Variants in RUBCNL observed in about 807,000 individuals in gnomAD.
RUBCNL encodes rubicon like autophagy enhancer.
RUBCNL carries 62 observed loss-of-function variants against 69.5 expected under a neutral mutation model. The observed-to-expected ratio is 0.89, with a 90% CI of 0.73 to 1.10. RUBCNL has a LOEUF of 1.10. RUBCNL is among the 50% of genes least tolerant of loss of function. The pLI, the probability that RUBCNL is intolerant of heterozygous loss-of-function variation, is 0.00. For missense variants in RUBCNL, 768 were observed against 798.1 expected, an observed-to-expected ratio of 0.96 and a Z score of 0.45; for synonymous variants, 291 against 303.6, an observed-to-expected ratio of 0.96 and a Z score of 0.43.
chr13:46,343,323 A>G lies in RUBCNL; in HGVS notation c.*62T>C. On this transcript the variant is annotated 3_prime_UTR_variant, in exon 15 of 15. Transcript: ENST00000429979. ...TATCTAAAACAATGTCACCAATAAT[A>G]GACACAAATCGGTGTTATCATAAGG... The G allele has an allele frequency of 1.3e-6, 2 of 1,575,752 alleles. No individual in the cohort carries two copies. The highest frequency in any genetic ancestry group is 1.2e-5 in the South Asian group (1 of 86,846).
chr13:46,362,960 A>ATATATATATATC (rs2048661672), intron 6 of RUBCNL, among the ~76,000 whole-genome samples, 155 bp downstream of exon 6: 1 of 90,198 alleles, frequency 1.1e-5, no homozygotes, highest in South Asian at 3.2e-4. Context: ...ATATATATAT[A>ATATATATATATC]TATATATATA....
rs1213418910 is a variant in RUBCNL at position 46,387,195 on chromosome 13, C to A, written c.-300G>T. On this transcript the variant is annotated 5_prime_UTR_variant, in exon 1 of 15. Coordinates refer to ENST00000429979, the MANE Select transcript of RUBCNL (RefSeq NM_025113.5). ...AAACGCCGCGCGTCGGGTCCTCCCT[C>A]GCGCGGCTCCGGGCAGCGTTCCGTG... The A allele has an allele frequency of 4.1e-6, 4 of 985,264 alleles. No homozygotes were observed. 61.0% of individuals were successfully genotyped at this position (985,264 alleles called of 1,614,324 possible). A position where few individuals can be genotyped will look rare whatever the true frequency, so the allele number is the denominator to read the frequency against.
rs374352412 is a variant in RUBCNL, at chr13:46,359,491, T to C, written c.1260A>G (p.Pro420=). ...RFQIIFNIHP[P]LKRDLVVAAQ... is the part of the protein sequence containing the mutation. ...AAGCAACAGCCCATACTTACTTGAG[T>C]GGTGGATGAATATTAAATATGATTT... The change falls in exon 9 of 15, where the codon CCA becomes CCG. Residue 420 remains proline, a synonymous_variant. Coordinates refer to ENST00000429979, the MANE Select transcript of RUBCNL (RefSeq NM_025113.5). 1 of 1,603,332 alleles carries C rather than the reference T, an allele frequency of 6.2e-7. No individual in the cohort carries two copies. Among genetic ancestry groups the C allele is most frequent in the Non-Finnish European group, 8.5e-7 (1 of 1,174,960 alleles).
In RUBCNL at chr13:46,343,293, C is replaced by T. The variant is rs41284169; in HGVS notation, c.*92G>A. 5.8e-5 allele frequency: 90 copies of T among 1,540,582 alleles called. No homozygotes were observed. Among genetic ancestry groups the T allele is most frequent in the Non-Finnish European group, 7.8e-5 (89 of 1,135,920 alleles). ...CCATCTTTTTCCTTAATATACAATA[C>T]CCAATATCTAAAACAATGTCACCAA... On this transcript the variant is annotated 3_prime_UTR_variant, in exon 15 of 15. Transcript: ENST00000429979.
In RUBCNL at chr13:46,343,697, T is replaced by C. The variant is rs560472302; in HGVS notation, c.1877-200A>G. On this transcript the variant is annotated intron_variant, in intron 14 of 14. Coordinates refer to ENST00000429979, the MANE Select transcript of RUBCNL (RefSeq NM_025113.5). ...CCTGTTGGACTCTTCCAACAGGTCATGAACAGGAGGCTCAGAGAGCCTGAT... is the reference window on the plus strand; with the variant it reads ...CCTGTTGGACTCTTCCAACAGGTCACGAACAGGAGGCTCAGAGAGCCTGAT... 2.6e-5 allele frequency among the ~76,000 whole-genome samples: 4 copies of C among 152,196 alleles called. No homozygotes were observed. In the East Asian group the frequency reaches 7.7e-4, roughly 29 times the overall value.
chr13:46,375,358 C>A (rs1253049214), intron 2 of RUBCNL, among the ~76,000 whole-genome samples: 1 of 152,116 alleles, frequency 6.6e-6, no homozygotes, highest in Non-Finnish European at 1.5e-5. Context: ...CATGGCGAAA[C>A]CCCATCTCTA....
intron 1 of RUBCNL, among the ~76,000 whole-genome samples, chr13:46,384,351 G>A (rs1050772723): frequency 5.3e-5 from 8 of 152,094 alleles, no homozygotes; most frequent in Non-Finnish European, 1.0e-4. Flanking sequence ...ATCAACTCTA[G>A]CTTGTCGGAA....
At chr13:46,368,483 C>A in intron 4 of RUBCNL, 1 of 985,296 alleles carries the variant, frequency 1.0e-6, no homozygotes, top group Non-Finnish European at 1.2e-6. Context: ...TCTTGTTATA[C>A]AAAACCTTAG....
chr13:46,344,018 C>T (rs751465231), intron 14 of RUBCNL, among the ~76,000 whole-genome samples: 1 of 152,210 alleles, frequency 6.6e-6, no homozygotes, highest in African/African-American at 2.4e-5. Context: ...TGCAACCCCA[C>T]CACAGTTCAA....
intron 14 of RUBCNL, 58 bp downstream of exon 14, chr13:46,344,683 A>G (rs989312942): frequency 2.6e-6 from 3 of 1,163,254 alleles, no homozygotes; most frequent in African/African-American, 1.5e-5. Flanking sequence ...TTAAGTTACT[A>G]AACTTAGTTT....
At chr13:46,369,246 G>C (rs1264223895) in intron 3 of RUBCNL, among the ~76,000 whole-genome samples, 1 of 152,052 alleles carries the variant, frequency 6.6e-6, no homozygotes, top group Non-Finnish European at 1.5e-5. Context: ...ACAATATCTC[G>C]CTCTGTCACC....
At chr13:46,363,042 T>C (rs1193815862) in intron 6 of RUBCNL, 73 bp downstream of exon 6, 1 of 686,112 alleles carries the variant, frequency 1.5e-6, no homozygotes, top group Non-Finnish European at 2.3e-6. Flanking sequence ...TTGTGTGTGA[T>C]GCATGTTAGT....
rs769369477 is a variant in RUBCNL, at chr13:46,359,493, G to A, written c.1258C>T (p.Pro420Ser). The A allele has an allele frequency of 2.5e-6, 4 of 1,603,466 alleles. No homozygotes were observed. The Admixed American group carries it at 5.1e-5, about 21-fold the overall frequency. ...GCAACAGCCCATACTTACTTGAGTG[G>A]TGGATGAATATTAAATATGATTTGA... Reference protein sequence around the residue: ...RFQIIFNIHPPLKRDLVVAAQ... With the variant: ...RFQIIFNIHPSLKRDLVVAAQ... The change falls in exon 9 of 15, where the codon CCA becomes TCA. Residue 420 changes from proline (P) to serine (S), a missense_variant. By Grantham distance (74) the Pro-to-Ser change is moderately conservative (BLOSUM62 -1). Transcript: ENST00000429979.
rs1283771531 is a variant in RUBCNL at position 46,340,856 on chromosome 13, G to C, written c.*2529C>G. ...ACAAAGGTGCCACCAAGCTATTCTT[G>C]AGGGATCCACCCGCATGACCCAAAC... On this transcript the variant is annotated 3_prime_UTR_variant, in exon 15 of 15. Coordinates refer to ENST00000429979, the MANE Select transcript of RUBCNL (RefSeq NM_025113.5). Among the ~76,000 whole-genome samples the C allele has an allele frequency of 2.0e-5, 3 of 152,258 alleles. No homozygotes were observed. The highest frequency in any genetic ancestry group is 2.9e-5 in the Non-Finnish European group (2 of 68,004).
rs1200883711 is a variant in RUBCNL at position 46,368,160 on chromosome 13, G to T, written c.708C>A (p.Ser236Arg). The T allele has an allele frequency of 6.2e-7, 1 of 1,613,876 alleles. No individual in the cohort carries two copies. Among genetic ancestry groups the T allele is most frequent in the Non-Finnish European group, 8.5e-7 (1 of 1,179,856 alleles). Reference sequence around the variant, plus strand: ...GTAACCCACTGACTTCTTTACTCCAGCTCTCTGTCTGCTGTTGACTCAGAA... The same window carrying T: ...GTAACCCACTGACTTCTTTACTCCATCTCTCTGTCTGCTGTTGACTCAGAA... ...CNILSQQQTE[S>R]WSKEVSGLLG... The change falls in exon 5 of 15, where the codon AGC becomes AGA. Residue 236 changes from serine (S) to arginine (R), a missense_variant. By Grantham distance (110) the Ser-to-Arg change is moderately radical. Transcript: ENST00000429979.
intron 1 of RUBCNL, among the ~76,000 whole-genome samples, chr13:46,384,081 A>G (rs1241262436): frequency 6.6e-6 from 1 of 152,222 alleles, no homozygotes; most frequent in African/African-American, 2.4e-5. Flanking sequence ...CCAGATCACC[A>G]TAAAACCAAG....
intron 5 of RUBCNL, 68 bp from the exon 6 acceptor site, chr13:46,363,281 C>A: frequency 1.4e-6 from 1 of 692,790 alleles, no homozygotes; most frequent in South Asian, 2.5e-5. Flanking sequence ...ACCTGCAACA[C>A]CCAACTAAAT....
chr13:46,336,628 GT>G lies in RUBCNL; in HGVS notation c.*6756del, dbSNP rs552330293. 9.2e-5 allele frequency among the ~76,000 whole-genome samples: 14 copies of G among 152,214 alleles called. No homozygotes were observed. Among genetic ancestry groups the G allele is most frequent in the Admixed American group, 3.3e-4 (5 of 15,286 alleles). The stretch of plus-strand genomic sequence containing the variant: ...TTTGTTAAGAAGAATGCAAGCAACT[GT>G]GGTAGAGAGGTAGGTGAAGACAATA... On this transcript the variant is annotated 3_prime_UTR_variant, in exon 15 of 15. Transcript: ENST00000429979.
chr13:46,346,386 C>T (rs2048246221), intron 12 of RUBCNL, among the ~76,000 whole-genome samples: 1 of 151,650 alleles, frequency 6.6e-6, no homozygotes, highest in South Asian at 2.1e-4. Context: ...CTCCTGGAAT[C>T]CTTGCTTGCG....
Sources: allele counts gnomAD v4.1 joint callset (sites outside exome capture counted in the v4.1 genomes callset), GRCh38; gene constraint gnomAD v4.1.1; transcripts MANE v1.5; gene names NCBI Gene and HGNC (gene_info 2026-07-23, HGNC 2026-07-21).